Variants in SAMD4A observed in about 807,000 individuals in gnomAD.
The protein encoded by SAMD4A is sterile alpha motif domain containing 4A, also known as protein Smaug homolog 1.
A neutral mutation model predicts 81.3 loss-of-function variants in SAMD4A; 33 were observed. That is an observed-to-expected ratio of 0.41 (90% confidence interval 0.31 to 0.54). SAMD4A has a LOEUF of 0.54. SAMD4A is among the 20% of genes least tolerant of loss of function. The pLI, the probability that SAMD4A is intolerant of heterozygous loss-of-function variation, is 0.37. For missense variants in SAMD4A, 854 were observed against 951.1 expected (o/e 0.90, Z 1.34); for synonymous variants, 389 against 382.1 (o/e 1.02, Z -0.21).
At chr14:54,670,919 G>T (rs1045144992) in intron 2 of SAMD4A, among the ~76,000 whole-genome samples, 1 of 152,176 alleles carries the variant, frequency 6.6e-6, no homozygotes, top group Non-Finnish European at 1.5e-5. Context: ...AGAAGGAAGT[G>T]TTCCTCATTC....
chr14:54,566,091 C>T (rs2032921917), upstream of SAMD4A, among the ~76,000 whole-genome samples: 1 of 151,736 alleles, frequency 6.6e-6, no homozygotes, highest in African/African-American at 2.4e-5. Flanking sequence ...ATGTGGGGAG[C>T]TCCGGCTCGG....
chr14:54,702,638 G>A, intron 3 of SAMD4A, 58 bp downstream of exon 3: 1 of 1,566,554 alleles, frequency 6.4e-7, no homozygotes. Context: ...TGTGTATGTG[G>A]CATGTCCTGC....
chr14:54,791,206 A>C lies in SAMD4A; in HGVS notation c.*2262A>C, dbSNP rs137885597. 1 of 152,392 alleles carries C rather than the reference A, an allele frequency of 6.6e-6. No individual in the cohort carries two copies. Among genetic ancestry groups the C allele is most frequent in the South Asian group, 2.1e-4 (1 of 4,828 alleles). The allele number at this position is 152,392 out of a possible 1,614,324, so 9.4% of individuals were successfully genotyped here. A position where few individuals can be genotyped will look rare whatever the true frequency, so the allele number is the denominator to read the frequency against. On this transcript the variant is annotated 3_prime_UTR_variant, in exon 13 of 13. Coordinates refer to ENST00000554335, the MANE Select transcript of SAMD4A (RefSeq NM_015589.6). Reference sequence around the variant, plus strand: ...GAATAGGTCAAAGGTTGAAGGCCAAAGGTAAGACCAGAGGGTTTGCGAATG... The same window carrying C: ...GAATAGGTCAAAGGTTGAAGGCCAACGGTAAGACCAGAGGGTTTGCGAATG...
At chr14:54,788,723 A>G (rs2039202868) in intron 12 of SAMD4A, among the ~76,000 whole-genome samples, 193 bp from the exon 13 acceptor site, 1 of 152,226 alleles carries the variant, frequency 6.6e-6, no homozygotes, top group South Asian at 2.1e-4. Flanking sequence ...CAGGTTCAAT[A>G]TGGCTCCTGG....
chr14:54,727,166 C>CCTTT (rs2037437656), intron 3 of SAMD4A, among the ~76,000 whole-genome samples: 2 of 59,146 alleles, frequency 3.4e-5, no homozygotes, highest in Admixed American at 4.9e-4. Context: ...TCTTTTTTTC[C>CCTTT]TTTTTTTTTT....
At chr14:54,664,583 C>T (rs1222198513) in intron 2 of SAMD4A, among the ~76,000 whole-genome samples, 2 of 152,072 alleles carry the variant, frequency 1.3e-5, no homozygotes, top group Non-Finnish European at 2.9e-5. Flanking sequence ...TCCCCACTTC[C>T]TTCTCTTCCT....
rs187376185 is a variant in SAMD4A at position 54,647,311 on chromosome 14, C to A, written c.197-54751C>A. ...CACTTCTCTGTAAGGAGGATAGTTA[C>A]CATTTTCTCTCTTTTACCAATACTT... On this transcript the variant is annotated intron_variant, in intron 2 of 12. Transcript: ENST00000554335. Among the ~76,000 whole-genome samples, 268 of 152,292 alleles carry A rather than the reference C, an allele frequency of 1.8e-3. 1 individual carries two copies. The highest frequency in any genetic ancestry group is 6.1e-3 in the African/African-American group (254 of 41,558).
At chr14:54,566,310 G>A (rs1294413301), upstream of SAMD4A, among the ~76,000 whole-genome samples, 1 of 151,656 alleles carries the variant, frequency 6.6e-6, no homozygotes, top group Non-Finnish European at 1.5e-5. Flanking sequence ...GCCGCGCCGA[G>A]GTGAGCGCTC....
At chr14:54,698,614 C>T (rs1039583329) in intron 2 of SAMD4A, among the ~76,000 whole-genome samples, 1 of 152,242 alleles carries the variant, frequency 6.6e-6, no homozygotes, top group African/African-American at 2.4e-5. Context: ...ATACTGTTGG[C>T]TCTCAGCAGT....
At chr14:54,737,348 G>A in intron 4 of SAMD4A, 61 bp downstream of exon 4, 3 of 1,581,926 alleles carry the variant, frequency 1.9e-6, no homozygotes, top group East Asian at 2.2e-5. Context: ...GAGACCAGAG[G>A]GTAAAAAAAG....
At chr14:54,606,467 G>C (rs934000027) in intron 2 of SAMD4A, among the ~76,000 whole-genome samples, 1 of 152,110 alleles carries the variant, frequency 6.6e-6, no homozygotes, top group Non-Finnish European at 1.5e-5. Context: ...ATTGGGTGGC[G>C]GGGGGAGGAG....
intron 2 of SAMD4A, chr14:54,682,074 T>C: frequency 1.0e-6 from 1 of 984,736 alleles, no homozygotes; most frequent in African/African-American, 1.7e-5. Flanking sequence ...ATTTCATTAG[T>C]GTGTGACTCA....
chr14:54,651,379 T>C (rs1010861941), intron 2 of SAMD4A, among the ~76,000 whole-genome samples: 7 of 152,178 alleles, frequency 4.6e-5, no homozygotes, highest in African/African-American at 1.7e-4. Flanking sequence ...ACACACTTAA[T>C]TGCACTTAGG....
chr14:54,724,007 T>TGGAAGGAAGGAAGGAAGGAAGGAA (rs753453738), intron 3 of SAMD4A, among the ~76,000 whole-genome samples: 2,898 of 124,040 alleles, frequency 0.023, 76 homozygotes, highest in Non-Finnish European at 0.03. Context: ...GATGGATGGA[T>TGGAAGGAAGGAAGGAAGGAAGGAA]GGAAGGAAGG....
At chr14:54,770,759 TA>T (rs2038682242) in intron 9 of SAMD4A, among the ~76,000 whole-genome samples, 1 of 152,202 alleles carries the variant, frequency 6.6e-6, no homozygotes, top group Admixed American at 6.5e-5. Flanking sequence ...TGCACGCAGT[TA>T]AAAATAAGCC....
At position 54,687,930 on chromosome 14, in the gene SAMD4A, C is replaced by T. The variant is rs2036319727; in HGVS notation, c.197-14132C>T. ...GCTGTCCCTTCTCAGGCATCACCCT[C>T]TGTGGCTGATGCCTCTGACATCATA... On this transcript the variant is annotated intron_variant, in intron 2 of 12. Coordinates refer to ENST00000554335, the MANE Select transcript of SAMD4A (RefSeq NM_015589.6). 1.2e-5 allele frequency: 12 copies of T among 986,942 alleles called. No individual in the cohort carries two copies. In the South Asian group the frequency reaches 1.9e-4, roughly 15 times the overall value. 61.1% of individuals were successfully genotyped at this position (986,942 alleles called of 1,614,324 possible). A position where few individuals can be genotyped will look rare whatever the true frequency, so the allele number is the denominator to read the frequency against.
intron 3 of SAMD4A, among the ~76,000 whole-genome samples, chr14:54,707,958 G>A (rs1009934695): frequency 6.6e-6 from 1 of 152,194 alleles, no homozygotes; most frequent in African/African-American, 2.4e-5. Context: ...CAAGGACTTG[G>A]ACTTTTGCTG....
At chr14:54,773,444 TC>T (rs2038757151) in intron 9 of SAMD4A, among the ~76,000 whole-genome samples, 2 of 152,192 alleles carry the variant, frequency 1.3e-5, no homozygotes, top group Admixed American at 1.3e-4. Flanking sequence ...GACTTCAACA[TC>T]CGTGAATGAC....
chr14:54,653,559 T>C (rs977129901), intron 2 of SAMD4A, among the ~76,000 whole-genome samples: 1 of 151,850 alleles, frequency 6.6e-6, no homozygotes, highest in African/African-American at 2.4e-5. Flanking sequence ...AGGCTGGTCT[T>C]GAACTCCTGA....
Sources: allele counts gnomAD v4.1 joint callset (sites outside exome capture counted in the v4.1 genomes callset), GRCh38; gene constraint gnomAD v4.1.1; transcripts MANE v1.5; gene names NCBI Gene and HGNC (gene_info 2026-07-23, HGNC 2026-07-21).